Variants in MGST1 observed in about 807,000 individuals in gnomAD.
MGST1 encodes the protein microsomal glutathione S-transferase 1.
In MGST1, 5 loss-of-function variants were observed where a neutral mutation model predicts 8.9. That is an observed-to-expected ratio of 0.56 (90% CI 0.29 to 1.19). MGST1 has a LOEUF of 1.19. Among genes scored for constraint, MGST1 ranks in the 50% most tolerant of loss-of-function variants. The pLI, the probability that MGST1 is intolerant of heterozygous loss-of-function variation, is 0.08. For missense variants in MGST1, 182 were observed against 187.4 expected, an observed-to-expected ratio of 0.97 and a Z score of 0.17; for synonymous variants, 54 against 67.8, an observed-to-expected ratio of 0.80 and a Z score of 1.00.
At chr12:16,551,351 A>G (rs367723211) in intron 4 of MGST1, 10 of 1,386,998 alleles carry the variant, frequency 7.2e-6, no homozygotes, top group African/African-American at 1.4e-5. Flanking sequence ...AAACAATAAA[A>G]TGTGGTTAAG....
chr12:16,435,277 A>G (rs1940974839), intron 1 of MGST1, among the ~76,000 whole-genome samples: 1 of 151,982 alleles, frequency 6.6e-6, no homozygotes, highest in African/African-American at 2.4e-5. Flanking sequence ...ATATATTGAT[A>G]TAGCCCAGGT....
At chr12:16,451,095 A>T (rs1941125290) in intron 4 of MGST1, among the ~76,000 whole-genome samples, 1 of 151,980 alleles carries the variant, frequency 6.6e-6, no homozygotes, top group South Asian at 2.1e-4. Flanking sequence ...CAGTCAACAG[A>T]TGTATAAGTA....
At chr12:16,468,082 A>C (rs1260850258) in intron 4 of MGST1, among the ~76,000 whole-genome samples, 1 of 152,214 alleles carries the variant, frequency 6.6e-6, no homozygotes, top group African/African-American at 2.4e-5. Context: ...AACAATTTTC[A>C]GTTAAGGGTG....
At chr12:16,568,108 G>T (rs1168762038) in intron 4 of MGST1, among the ~76,000 whole-genome samples, 1 of 152,180 alleles carries the variant, frequency 6.6e-6, no homozygotes, top group African/African-American at 2.4e-5. Context: ...TGAGGAAAGA[G>T]ATCTTGGTGA....
rs548787191 is a variant in MGST1, at chr12:16,391,673, T to C, written n.778+8069T>C. Among the ~76,000 whole-genome samples the C allele has an allele frequency of 3.3e-5, 5 of 152,328 alleles. No individual in the cohort carries two copies. In the East Asian group the frequency reaches 9.7e-4, roughly 29 times the overall value. ...TTGTCAGATGCATAGTTTGCAAATA[T>C]TTTCTCCCATTCTGCACATTGTCTG... On this transcript the variant is annotated intron_variant and non_coding_transcript_variant, in intron 1 of 1. Coordinates refer to the MGST1 transcript ENST00000359720.
chr12:16,533,997 C>T lies in MGST1; in HGVS notation n.483-55531C>T, dbSNP rs1274519925. 3.9e-5 allele frequency among the ~76,000 whole-genome samples: 6 copies of T among 152,046 alleles called. No homozygotes were observed. The South Asian group carries it at 6.2e-4, about 16-fold the overall frequency. On this transcript the variant is annotated intron_variant and non_coding_transcript_variant, in intron 4 of 4. Coordinates refer to the MGST1 transcript ENST00000538857. ...ATAAGGGAAAATGCAGTGTGGCTGG[C>T]GCATGGTTTATTACGGTGAGGTGGA...
rs1943003460 is a variant in MGST1, at chr12:16,576,607, C to T, written n.483-12921C>T. Among the ~76,000 whole-genome samples the T allele has an allele frequency of 6.6e-6, 1 of 152,174 alleles. No individual in the cohort carries two copies. The highest frequency in any genetic ancestry group is 2.4e-5 in the African/African-American group (1 of 41,438). On this transcript the variant is annotated intron_variant and non_coding_transcript_variant, in intron 4 of 4. Transcript: ENST00000538857. This position sits in a 1 kb window ranked among gnomAD's most constrained non-coding sequence, Gnocchi z 4.1. ...TACGTACCTGTTTGTCTCTTTCTCA[C>T]TACATAATAAGCTCCCTGAAAACTT...
In MGST1 at chr12:16,540,533, C is replaced by T. The variant is rs114600318; in HGVS notation, n.483-48995C>T. ...CTTGAGATGATGCTTTGGAAGTTTG[C>T]GAATTATTAAATTATCTTCTCTATA... On this transcript the variant is annotated intron_variant and non_coding_transcript_variant, in intron 4 of 4. Transcript: ENST00000538857. Among the ~76,000 whole-genome samples, 715 of 152,220 alleles carry T rather than the reference C, an allele frequency of 4.7e-3. 9 individuals are homozygous for T. Among genetic ancestry groups the T allele is most frequent in the African/African-American group, 0.016 (680 of 41,518 alleles).
chr12:16,551,223 C>T (rs1328089400), intron 4 of MGST1: 9 of 1,580,282 alleles, frequency 5.7e-6, no homozygotes, highest in Non-Finnish European at 7.8e-6. Flanking sequence ...GTTGATAGAT[C>T]AGCGAACCTG....
intron 1 of MGST1, among the ~76,000 whole-genome samples, chr12:16,405,213 C>T (rs982397950): frequency 6.6e-6 from 1 of 151,882 alleles, no homozygotes; most frequent in Non-Finnish European, 1.5e-5. Context: ...CATACACACA[C>T]AAAAGAAAAT....
chr12:16,585,279 G>T lies in MGST1; in HGVS notation n.483-4249G>T, dbSNP rs1943284094. Among the ~76,000 whole-genome samples the T allele has an allele frequency of 1.3e-5, 2 of 148,384 alleles. No individual in the cohort carries two copies. Among genetic ancestry groups the T allele is most frequent in the Non-Finnish European group, 1.5e-5 (1 of 67,992 alleles). Reference sequence around the variant, plus strand: ...TATTTTATTTACATTCAAGTATCATGGTAGAAAACAAGTTATTGATTACTG... The same window carrying T: ...TATTTTATTTACATTCAAGTATCATTGTAGAAAACAAGTTATTGATTACTG... On this transcript the variant is annotated intron_variant and non_coding_transcript_variant, in intron 4 of 4. Coordinates refer to the MGST1 transcript ENST00000538857. The surrounding 1 kb of genome is among the most constrained non-coding windows in gnomAD (Gnocchi z 4.7).
chr12:16,543,353 G>A lies in MGST1; in HGVS notation n.483-46175G>A, dbSNP rs556832422. Among the ~76,000 whole-genome samples, 6 of 152,030 alleles carry A rather than the reference G, an allele frequency of 3.9e-5. No homozygotes were observed. The East Asian group carries it at 5.8e-4, about 15-fold the overall frequency. ...TTTACCATCCACTATCTCTGACTAC[G>A]GCCTGAATCCTCAATTTACTGTCCT... On this transcript the variant is annotated intron_variant and non_coding_transcript_variant, in intron 4 of 4. Transcript: ENST00000538857.
intron 3 of MGST1, among the ~76,000 whole-genome samples, chr12:16,359,766 G>A (rs1459368312): frequency 1.3e-5 from 2 of 152,174 alleles, no homozygotes; most frequent in Admixed American, 6.6e-5. Flanking sequence ...AAATTGCCCA[G>A]AACTGGAAAG....
intron 1 of MGST1, chr12:16,400,426 C>T (rs568901214): frequency 2.3e-5 from 19 of 813,488 alleles, no homozygotes; most frequent in East Asian, 7.3e-5. Flanking sequence ...AATATTTGGG[C>T]GAATGTATAG....
At chr12:16,588,913 A>T (rs2137600719) in intron 4 of MGST1, among the ~76,000 whole-genome samples, 1 of 152,028 alleles carries the variant, frequency 6.6e-6, no homozygotes, top group East Asian at 2.0e-4. Flanking sequence ...ACATTGGAGG[A>T]GTATCAGCCA....
chr12:16,551,415 C>T (rs993453841), intron 4 of MGST1: 17 of 781,346 alleles, frequency 2.2e-5, no homozygotes, highest in Admixed American at 4.2e-5. Flanking sequence ...TTAATAGTTT[C>T]GCATGGTAAT....
At chr12:16,569,629 G>A (rs1157041044) in intron 4 of MGST1, among the ~76,000 whole-genome samples, 1 of 152,048 alleles carries the variant, frequency 6.6e-6, no homozygotes, top group East Asian at 1.9e-4. Flanking sequence ...ATATTTCCAG[G>A]CAAATATGGC....
intron 1 of MGST1, among the ~76,000 whole-genome samples, chr12:16,398,432 CAG>C (rs1940624925): frequency 6.6e-6 from 1 of 152,204 alleles, no homozygotes; most frequent in South Asian, 2.1e-4. Flanking sequence ...CTTTACTCCT[CAG>C]GGTATTCTAG....
At position 16,548,792 on chromosome 12, in the gene MGST1, T is replaced by C. The variant is rs970310599; in HGVS notation, n.483-40736T>C. 3 of 152,172 alleles carry C rather than the reference T, an allele frequency of 2.0e-5. No individual in the cohort carries two copies. In the South Asian group the frequency reaches 6.2e-4, roughly 32 times the overall value. The allele number at this position is 152,172 out of a possible 1,614,324, so 9.4% of individuals were successfully genotyped here. Reference sequence around the variant, plus strand: ...GCCTACAGCTGAAACACTATTCTTGTCTTATTTCACGATTTCATGGAGATT... The same window carrying C: ...GCCTACAGCTGAAACACTATTCTTGCCTTATTTCACGATTTCATGGAGATT... On this transcript the variant is annotated intron_variant and non_coding_transcript_variant, in intron 4 of 4. Coordinates refer to the MGST1 transcript ENST00000538857. This position sits in a 1 kb window ranked among gnomAD's most constrained non-coding sequence, Gnocchi z 4.2.
Sources: gnomAD v4.1 joint callset for allele counts (sites outside exome capture counted in the v4.1 genomes callset) on GRCh38, gnomAD v4.1.1 for gene constraint, Gnocchi (gnomAD v3.1) non-coding constraint, MANE v1.5 for transcripts, NCBI Gene and HGNC (gene_info 2026-07-23, HGNC 2026-07-21) for gene names.